The following CDYL2 variants were observed in gnomAD, a reference collection of about 807,000 sequenced individuals.
CDYL2 encodes the protein chromodomain Y like 2.
Under a neutral mutation model 49.4 loss-of-function variants are expected in CDYL2, and 23 were observed. That is an observed-to-expected ratio of 0.47 (90% CI 0.34 to 0.66). The LOEUF (loss-of-function observed/expected upper bound fraction) is 0.66. CDYL2 is among the 30% of genes least tolerant of loss of function. The pLI is 0.01. For missense variants in CDYL2, 678 were observed against 656.4 expected, an observed-to-expected ratio of 1.03 and a Z score of -0.36; for synonymous variants, 360 against 268.8, an observed-to-expected ratio of 1.34 and a Z score of -3.32.
At chr16:80,633,973 T>C (rs543274053) in intron 2 of CDYL2, among the ~76,000 whole-genome samples, 3 of 152,032 alleles carry the variant, frequency 2.0e-5, no homozygotes, top group Non-Finnish European at 4.4e-5. Flanking sequence ...CTCTGGGATG[T>C]GCTAAAGAAA....
At chr16:80,678,960 T>C (rs1481758078) in intron 2 of CDYL2, among the ~76,000 whole-genome samples, 2 of 150,894 alleles carry the variant, frequency 1.3e-5, no homozygotes, top group Non-Finnish European at 2.9e-5. Context: ...ACGTCCTTTG[T>C]AGGGACATGG....
At chr16:80,803,758 G>C (rs1908004458) in intron 1 of CDYL2, among the ~76,000 whole-genome samples, 1 of 136,242 alleles carries the variant, frequency 7.3e-6, no homozygotes, top group South Asian at 2.3e-4. Flanking sequence ...TTCCCAGCAC[G>C]TCCGGCGCCG....
intron 1 of CDYL2, among the ~76,000 whole-genome samples, chr16:80,712,483 C>G (rs1456827934): frequency 6.6e-6 from 1 of 152,008 alleles, no homozygotes; most frequent in Non-Finnish European, 1.5e-5. Context: ...CTCACCACCA[C>G]AGCAAGAAAC....
intron 1 of CDYL2, among the ~76,000 whole-genome samples, chr16:80,736,034 C>G (rs1905512015): frequency 6.6e-6 from 1 of 152,198 alleles, no homozygotes. Flanking sequence ...ACCTTCCCAG[C>G]TTGTCCTCAG....
Position 80,804,166 on chromosome 16 carries a change from G to C in CDYL2, c.8C>G (p.Ser3Cys). 7.7e-7 allele frequency: 1 copy of C among 1,302,152 alleles called. No individual in the cohort carries two copies. Among genetic ancestry groups the C allele is most frequent in the Non-Finnish European group, 1.0e-6 (1 of 994,876 alleles). The allele number at this position is 1,302,152 out of a possible 1,614,324, so 80.7% of individuals were successfully genotyped here. MA[S>C]GDLYEVERIV... ...TCCCCGTACCTCGTAAAGGTCCCCA[G>C]AAGCCATGCCAGGCTGCGGAACTTG... The change falls in exon 1 of 7, where the codon TCT becomes TGT. Residue 3 changes from serine to cysteine, a missense_variant. Ser to Cys is a moderately radical substitution (Grantham distance 112). Coordinates refer to ENST00000570137, the MANE Select transcript of CDYL2 (RefSeq NM_152342.4).
At chr16:80,667,222 G>C (rs1247852908) in intron 2 of CDYL2, among the ~76,000 whole-genome samples, 4 of 152,102 alleles carry the variant, frequency 2.6e-5, no homozygotes, top group Non-Finnish European at 4.4e-5. Context: ...CAGACAGATG[G>C]GGTGGGCTTC....
intron 1 of CDYL2, among the ~76,000 whole-genome samples, chr16:80,765,020 A>C (rs924915260): frequency 6.8e-6 from 1 of 147,740 alleles, no homozygotes; most frequent in African/African-American, 2.5e-5. Context: ...AGATCGCGCC[A>C]CTGCACTCCA....
chr16:80,798,175 G>A (rs1466736085), intron 1 of CDYL2, among the ~76,000 whole-genome samples: 2 of 152,014 alleles, frequency 1.3e-5, no homozygotes, highest in African/African-American at 2.4e-5. Context: ...TGAGTAGCTG[G>A]AACTACAAAC....
At position 80,634,080 on chromosome 16, in the gene CDYL2, C is replaced by CA. The variant is rs542771969; in HGVS notation, c.617-845dup. On this transcript the variant is annotated intron_variant, in intron 2 of 6. Coordinates refer to ENST00000570137, the MANE Select transcript of CDYL2 (RefSeq NM_152342.4). The stretch of plus-strand genomic sequence containing the variant: ...AAAACACTTCCCAAATACCTCCGTC[C>CA]AAAAAAAAAAAAGGGAAAGAGAGAG... 1.6e-3 allele frequency among the ~76,000 whole-genome samples: 204 copies of CA among 129,294 alleles called. 1 individual carries two copies. Among genetic ancestry groups the CA allele is most frequent in the Admixed American group, 3.0e-3 (38 of 12,546 alleles). 84.8% of individuals were successfully genotyped at this position (129,294 alleles called of 152,430 possible). A position where few individuals can be genotyped will look rare whatever the true frequency, so the allele number is the denominator to read the frequency against.
chr16:80,678,354 C>T (rs1909839691), intron 2 of CDYL2, among the ~76,000 whole-genome samples: 2 of 152,060 alleles, frequency 1.3e-5, no homozygotes, highest in Non-Finnish European at 2.9e-5. Context: ...ATTTTCGCAA[C>T]CTACTCATCT....
At chr16:80,716,819 C>T (rs1042466765) in intron 1 of CDYL2, among the ~76,000 whole-genome samples, 2 of 149,592 alleles carry the variant, frequency 1.3e-5, no homozygotes, top group African/African-American at 4.9e-5. Context: ...GAATGAATGG[C>T]TGAATAGATG....
chr16:80,790,545 T>A (rs1363906522), intron 1 of CDYL2, among the ~76,000 whole-genome samples: 1 of 152,260 alleles, frequency 6.6e-6, no homozygotes. Context: ...TATACCATAT[T>A]CCTCAAAGTG....
chr16:80,653,295 ATC>A (rs1567557018), intron 2 of CDYL2, among the ~76,000 whole-genome samples: 1 of 152,162 alleles, frequency 6.6e-6, no homozygotes, highest in Non-Finnish European at 1.5e-5. Flanking sequence ...GAGATATTCT[ATC>A]TCTACTAAAA....
intron 3 of CDYL2, among the ~76,000 whole-genome samples, chr16:80,623,281 C>A (rs1907163270): frequency 6.6e-6 from 1 of 152,148 alleles, no homozygotes; most frequent in African/African-American, 2.4e-5. Context: ...CCCACAGTAT[C>A]TTGGGTGTTC....
chr16:80,702,892 G>T (rs955078705), intron 1 of CDYL2, among the ~76,000 whole-genome samples: 1 of 152,160 alleles, frequency 6.6e-6, no homozygotes, highest in African/African-American at 2.4e-5. Context: ...GCATGAGTGA[G>T]CCCAGATGAA....
Position 80,684,685 on chromosome 16 carries a change from C to T in CDYL2, c.469G>A (p.Glu157Lys). 1 of 1,614,210 alleles carries T rather than the reference C, an allele frequency of 6.2e-7. No individual in the cohort carries two copies. Among genetic ancestry groups the T allele is most frequent in the Non-Finnish European group, 8.5e-7 (1 of 1,180,036 alleles). ...TTCTCAGAGCCGGCGTCCCCATTTTCCATCCCGTTCTGAGACTTTTTCAGG... is the reference window on the plus strand; with the variant it reads ...TTCTCAGAGCCGGCGTCCCCATTTTTCATCCCGTTCTGAGACTTTTTCAGG... ...MPLKKSQNGM[E>K]NGDAGSEKDE... The change falls in exon 2 of 7, where the codon GAA (glutamate) becomes AAA (lysine). Residue 157 changes from glutamate to lysine, a missense_variant. Glu to Lys is a moderately conservative substitution (Grantham distance 56). Transcript: ENST00000570137.
rs775256021 is a variant in CDYL2 at position 80,604,407 on chromosome 16, T to C, written c.1502A>G (p.Asp501Gly). Reference protein sequence around the residue: ...GLDSLFSYLQDKIYEV With the variant: ...GLDSLFSYLQGKIYEV ...GGCCCCTCAGACTTCATAAATTTTG[T>C]CCTGCAGGTAGCTGAAAAGGGAGTC... Residue 501 changes from aspartate (D) to glycine (G), a missense_variant, in exon 7 of 7, where the codon GAC becomes GGC. Around this residue, in one of 3 missense-constraint regions of CDYL2, gnomAD observed 153 missense variants for 150.6 expected, o/e 1.02. Transcript: ENST00000570137. 18 of 1,613,980 alleles carry C rather than the reference T, an allele frequency of 1.1e-5. No individual in the cohort carries two copies. Among genetic ancestry groups the C allele is most frequent in the Non-Finnish European group, 1.4e-5 (16 of 1,179,994 alleles).
intron 1 of CDYL2, among the ~76,000 whole-genome samples, chr16:80,717,378 G>T (rs1307247803): frequency 6.6e-6 from 1 of 152,146 alleles, no homozygotes; most frequent in Non-Finnish European, 1.5e-5. Context: ...TAGCAACATG[G>T]CTACAGGGGG....
intron 1 of CDYL2, among the ~76,000 whole-genome samples, chr16:80,712,415 A>G (rs3100177): frequency 0.7 from 106,402 of 151,484 alleles, 37,921 homozygotes; most frequent in African/African-American, 0.81. Flanking sequence ...TCAATGTCAC[A>G]ACATTGCTGG....
Sources: gnomAD v4.1 joint callset for allele counts (sites outside exome capture counted in the v4.1 genomes callset) on GRCh38, gnomAD v4.1.1 for gene constraint, gnomAD v4.1.1 regional missense constraint, MANE v1.5 for transcripts, NCBI Gene and HGNC (gene_info 2026-07-23, HGNC 2026-07-21) for gene names.